NREP: variants seen among roughly 807,000 people sequenced by gnomAD.
NREP encodes neuronal regeneration related protein.
Under a neutral mutation model 8.6 loss-of-function variants are expected in NREP, and 5 were observed. That is an observed-to-expected ratio of 0.58 (90% CI 0.30 to 1.22). The LOEUF (loss-of-function observed/expected upper bound fraction) is 1.22, where lower values mean the gene tolerates loss of function less well. Ranked by LOEUF, NREP falls within the 50% of genes most tolerant of loss-of-function variation. The probability of loss-of-function intolerance (pLI) is 0.07; values close to 1 mark genes in which losing one functional copy is unlikely to be tolerated. For missense variants in NREP, 86 were observed against 82.5 expected (o/e 1.04, Z -0.17); for synonymous variants, 27 against 28.0 (o/e 0.96, Z 0.11).
chr5:111,810,119 G>A (rs1397326908), intron 2 of NREP, among the ~76,000 whole-genome samples: 1 of 152,104 alleles, frequency 6.6e-6, no homozygotes, highest in Non-Finnish European at 1.5e-5. Context: ...GAGGGGTTGG[G>A]GGAGGGAGAG....
chr5:111,767,670 T>G (rs1751118125), intron 2 of NREP, among the ~76,000 whole-genome samples: 1 of 152,132 alleles, frequency 6.6e-6, no homozygotes, highest in Non-Finnish European at 1.5e-5. Flanking sequence ...TTTGGTTGTT[T>G]GTTTTTTTGT....
intron 2 of NREP, among the ~76,000 whole-genome samples, chr5:111,784,984 C>T (rs528191863): frequency 5.9e-5 from 9 of 152,224 alleles, no homozygotes; most frequent in African/African-American, 2.2e-4. Flanking sequence ...TCCCAGGGCT[C>T]CTGTGGTGCC....
In NREP at chr5:111,729,500, C is replaced by CTATTCTAACG; in HGVS notation, c.*1411_*1420dup. ...TGCTCTATTTACACAGCTGATATAC[C>CTATTCTAACG]TATTCTAACGAAGGAGGGAGAGGAG... is the stretch of plus-strand genomic sequence containing the variant. On this transcript the variant is annotated 3_prime_UTR_variant, in exon 4 of 4. Coordinates refer to ENST00000257435, the MANE Select transcript of NREP (RefSeq NM_004772.4). The CTATTCTAACG allele has an allele frequency of 6.5e-6, 1 of 152,714 alleles. No individual in the cohort carries two copies. The highest frequency in any genetic ancestry group is 2.1e-4 in the South Asian group (1 of 4,824). The allele number at this position is 152,714 out of a possible 1,614,324, so 9.5% of individuals were successfully genotyped here.
chr5:111,972,769 A>T (rs1025315304), intron 2 of NREP, among the ~76,000 whole-genome samples: 1 of 152,174 alleles, frequency 6.6e-6, no homozygotes, highest in Non-Finnish European at 1.5e-5. Context: ...AGGGGAGCCA[A>T]GGGATCCCAG....
At chr5:111,766,613 C>A (rs926914561) in intron 2 of NREP, among the ~76,000 whole-genome samples, 2 of 152,188 alleles carry the variant, frequency 1.3e-5, no homozygotes, top group Admixed American at 1.3e-4. Flanking sequence ...AATCTCTCTT[C>A]TTGGGTCCTC....
chr5:111,799,329 T>C (rs1561671203), intron 2 of NREP, among the ~76,000 whole-genome samples: 2 of 152,138 alleles, frequency 1.3e-5, no homozygotes, highest in African/African-American at 4.8e-5. Flanking sequence ...TTGATGGGAA[T>C]TGCATTGAAT....
chr5:111,815,072 G>A (rs1752355187), intron 2 of NREP, among the ~76,000 whole-genome samples: 1 of 152,006 alleles, frequency 6.6e-6, no homozygotes, highest in Non-Finnish European at 1.5e-5. Context: ...ATTTTCCCTT[G>A]AAGCATATGC....
chr5:111,976,755 G>A (rs1169171667), exon 1 of NREP: 1 of 1,550,190 alleles, frequency 6.5e-7, no homozygotes, highest in Admixed American at 2.0e-5. Context: ...TCCTGTTACT[G>A]CTTGAGGATA....
At chr5:111,836,527 C>T (rs944490617) in intron 2 of NREP, among the ~76,000 whole-genome samples, 6 of 152,058 alleles carry the variant, frequency 3.9e-5, no homozygotes, top group Non-Finnish European at 7.4e-5. Flanking sequence ...TGGCTCTCTA[C>T]ATCAATATTA....
intron 2 of NREP, among the ~76,000 whole-genome samples, chr5:111,781,038 T>C (rs1482712503): frequency 1.3e-5 from 2 of 152,120 alleles, no homozygotes; most frequent in Admixed American, 1.3e-4. Flanking sequence ...TCAAGGGTTT[T>C]TTATATAGGT....
At chr5:111,858,315 A>AT (rs994814563) in intron 2 of NREP, among the ~76,000 whole-genome samples, 1 of 151,854 alleles carries the variant, frequency 6.6e-6, no homozygotes, top group African/African-American at 2.4e-5. Flanking sequence ...GTTTCTTTCT[A>AT]TTTTATTTCC....
intron 2 of NREP, among the ~76,000 whole-genome samples, chr5:111,938,321 T>G (rs776032399): frequency 6.6e-5 from 10 of 152,128 alleles, no homozygotes; most frequent in Non-Finnish European, 1.2e-4. Flanking sequence ...GATCACCAAA[T>G]TACTGAACAC....
At chr5:111,951,778 C>T (rs1051778115) in intron 2 of NREP, among the ~76,000 whole-genome samples, 3 of 152,016 alleles carry the variant, frequency 2.0e-5, no homozygotes, top group African/African-American at 7.2e-5. Flanking sequence ...GTTTTAAAAT[C>T]GTGTCCATTT....
intron 2 of NREP, among the ~76,000 whole-genome samples, chr5:111,942,320 T>A (rs1352664285): frequency 2.0e-5 from 3 of 152,068 alleles, no homozygotes; most frequent in Non-Finnish European, 4.4e-5. Flanking sequence ...TAAAAAAATC[T>A]CATGAGAGTC....
chr5:111,761,847 C>G (rs567239033), upstream of NREP, among the ~76,000 whole-genome samples: 4 of 151,974 alleles, frequency 2.6e-5, no homozygotes, highest in Admixed American at 2.6e-4. Flanking sequence ...CCAATCAGAC[C>G]GAAGGGAAAG....
intron 2 of NREP, among the ~76,000 whole-genome samples, chr5:111,824,694 G>A (rs756656353): frequency 1.3e-5 from 2 of 152,164 alleles, no homozygotes; most frequent in Non-Finnish European, 2.9e-5. Context: ...TAATTTGACT[G>A]TGGCCAGAAA....
chr5:111,971,754 T>TA (rs1756825532), intron 2 of NREP, among the ~76,000 whole-genome samples: 1 of 152,062 alleles, frequency 6.6e-6, no homozygotes, highest in African/African-American at 2.4e-5. Flanking sequence ...ATTTAAGACC[T>TA]AAAACTGTAA....
intron 2 of NREP, among the ~76,000 whole-genome samples, chr5:111,961,273 T>C (rs1756473281): frequency 6.6e-6 from 1 of 152,192 alleles, no homozygotes; most frequent in Non-Finnish European, 1.5e-5. Context: ...TCAAGATGAG[T>C]ACACCTTACC....
intron 2 of NREP, among the ~76,000 whole-genome samples, chr5:111,842,308 C>T (rs78658009): frequency 0.067 from 10,123 of 152,200 alleles, 371 homozygotes; most frequent in African/African-American, 0.088. Context: ...TTTGTAACTA[C>T]ATTCCTTCCA....
Sources: allele counts gnomAD v4.1 joint callset (sites outside exome capture counted in the v4.1 genomes callset), GRCh38; gene constraint gnomAD v4.1.1; transcripts MANE v1.5; gene names NCBI Gene and HGNC (gene_info 2026-07-23, HGNC 2026-07-21).